Variants in SLCO4A1 observed in about 807,000 individuals in gnomAD.
The protein encoded by SLCO4A1 is colon organic anion transporter.
In SLCO4A1, 51 loss-of-function variants were observed where a neutral mutation model predicts 64.6. The ratio of observed to expected loss-of-function variants is 0.79; its 90% CI spans 0.63 to 1.00. The LOEUF (loss-of-function observed/expected upper bound fraction) is 1.00. SLCO4A1 is among the 50% of genes least tolerant of loss of function. The pLI, the probability that SLCO4A1 is intolerant of heterozygous loss-of-function variation, is 0.00. For missense variants in SLCO4A1, 919 were observed against 980.5 expected (o/e 0.94, Z 0.84); for synonymous variants, 471 against 444.9 (o/e 1.06, Z -0.74).
chr20:62,662,316 C>T (rs1321000168), intron 5 of SLCO4A1, among the ~76,000 whole-genome samples: 2 of 152,144 alleles, frequency 1.3e-5, no homozygotes, highest in Non-Finnish European at 2.9e-5. Flanking sequence ...GCCACGTTCC[C>T]AGGACTTGGG....
chr20:62,644,624 A>G lies in SLCO4A1; in HGVS notation c.-97+2071A>G, dbSNP rs1248355493. On this transcript the variant is annotated intron_variant, in intron 1 of 11. Transcript: ENST00000217159. The surrounding 1 kb of genome is among the most constrained non-coding windows in gnomAD (Gnocchi z 5.4). ...GGCTCCAGGTCGGTCTGACTTCCAA[A>G]TGGCAAAATTTTTCTCAGCCCATTG... Among the ~76,000 whole-genome samples the G allele has an allele frequency of 6.6e-6, 1 of 152,228 alleles. No individual in the cohort carries two copies. Among genetic ancestry groups the G allele is most frequent in the Non-Finnish European group, 1.5e-5 (1 of 68,036 alleles).
Position 62,660,415 on chromosome 20 carries a change from G to A in SLCO4A1, c.891G>A (p.Thr297=), listed in dbSNP as rs143407772. The A allele has an allele frequency of 1.9e-5, 30 of 1,582,814 alleles. No homozygotes were observed. The highest frequency in any genetic ancestry group is 5.5e-5 in the South Asian group (5 of 90,402). The change falls in exon 4 of 12, where the codon ACG becomes ACA. Residue 297 remains threonine (T), a synonymous_variant. Coordinates refer to ENST00000217159, the MANE Select transcript of SLCO4A1 (RefSeq NM_016354.4). ...GGTGCCACTGCCTCTTCCACAGGAC[G>A]GAGCTGACCACCGAGAGCCCACTGT... is the stretch of plus-strand genomic sequence containing the variant. ...LNIYTEMGRR[T]ELTTESPLWV... is the part of the protein sequence containing the mutation.
intron 10 of SLCO4A1, 64 bp downstream of exon 10, chr20:62,668,605 G>A: frequency 2.1e-6 from 3 of 1,440,136 alleles, no homozygotes; most frequent in South Asian, 1.1e-5. Context: ...AAGGGCATGG[G>A]CAAGTGTCTA....
At chr20:62,687,391 G>A (rs532527034), downstream of SLCO4A1, among the ~76,000 whole-genome samples, 3 of 152,370 alleles carry the variant, frequency 2.0e-5, no homozygotes, top group South Asian at 2.1e-4. Context: ...GCCGAGGCCC[G>A]GGGAGGAGCC....
intron 2 of SLCO4A1, among the ~76,000 whole-genome samples, chr20:62,683,908 T>C (rs947055299): frequency 1.3e-5 from 2 of 148,804 alleles, no homozygotes; most frequent in Non-Finnish European, 3.0e-5. Context: ...CCACACACGC[T>C]CACGCAACGA....
At chr20:62,680,853 G>A (rs185100927) in intron 2 of SLCO4A1, among the ~76,000 whole-genome samples, 3 of 152,262 alleles carry the variant, frequency 2.0e-5, no homozygotes, top group Admixed American at 2.0e-4. Context: ...TCTTTATCTG[G>A]TTCTGGTATA....
chr20:62,672,364 T>C (rs1213970583), downstream of SLCO4A1: 2 of 871,118 alleles, frequency 2.3e-6, no homozygotes, highest in African/African-American at 3.7e-5. Flanking sequence ...TTGGCCCACG[T>C]CCTGTAGTCA....
At chr20:62,684,709 C>T (rs1987988536) in intron 2 of SLCO4A1, among the ~76,000 whole-genome samples, 1 of 152,114 alleles carries the variant, frequency 6.6e-6, no homozygotes, top group Non-Finnish European at 1.5e-5. Context: ...AGTGTGCAAG[C>T]AAACCCCCCC....
At chr20:62,657,815 C>T (rs1435570184) in intron 2 of SLCO4A1, among the ~76,000 whole-genome samples, 1 of 152,200 alleles carries the variant, frequency 6.6e-6, no homozygotes, top group Non-Finnish European at 1.5e-5. Context: ...TGGAAAAGAC[C>T]GAGCAAATCT....
At chr20:62,663,986 C>G (rs1394819220) in intron 5 of SLCO4A1, among the ~76,000 whole-genome samples, 2 of 152,180 alleles carry the variant, frequency 1.3e-5, no homozygotes, top group African/African-American at 4.8e-5. Flanking sequence ...GGGAGAGCCT[C>G]CATTCACCCC....
chr20:62,665,111 G>A, intron 6 of SLCO4A1, 23 bp downstream of exon 6: 2 of 1,592,488 alleles, frequency 1.3e-6, no homozygotes, highest in Non-Finnish European at 1.7e-6. Flanking sequence ...AATCTTGGGG[G>A]TCCTCTGCTT....
At chr20:62,655,719 C>CGG (rs1031612759) in intron 1 of SLCO4A1, among the ~76,000 whole-genome samples, 4 of 152,180 alleles carry the variant, frequency 2.6e-5, no homozygotes, top group African/African-American at 9.7e-5. Context: ...GCTTGGCGGC[C>CGG]GGGGGTGTTT....
At chr20:62,689,162 G>T (rs1327186386), downstream of SLCO4A1, among the ~76,000 whole-genome samples, 1 of 151,976 alleles carries the variant, frequency 6.6e-6, no homozygotes, top group African/African-American at 2.4e-5. Flanking sequence ...TGTGCCCCGC[G>T]CCTCGTAGGC....
intron 1 of SLCO4A1, among the ~76,000 whole-genome samples, chr20:62,647,282 G>A (rs1317380566): frequency 6.6e-6 from 1 of 152,228 alleles, no homozygotes; most frequent in Non-Finnish European, 1.5e-5. Context: ...AGCTGAAGAT[G>A]GTGTGGGGAG....
At chr20:62,643,342 C>T (rs1033617533) in intron 1 of SLCO4A1, 1 of 213,796 alleles carries the variant, frequency 4.7e-6, no homozygotes, top group Non-Finnish European at 9.8e-6. Context: ...CGGCCCTAGA[C>T]CGGGAACCTG....
chr20:62,677,613 C>T (rs1796881651), intron 2 of SLCO4A1, among the ~76,000 whole-genome samples: 1 of 152,232 alleles, frequency 6.6e-6, no homozygotes, highest in South Asian at 2.1e-4. Flanking sequence ...ACCTGCACTC[C>T]AACCCCACTG....
intron 2 of SLCO4A1, among the ~76,000 whole-genome samples, chr20:62,684,361 TCAG>T (rs1324122680): frequency 6.6e-6 from 1 of 152,198 alleles, no homozygotes; most frequent in Non-Finnish European, 1.5e-5. Context: ...ACTAAAACCA[TCAG>T]CACCTTTGCC....
At chr20:62,687,190 G>A (rs1401697608), downstream of SLCO4A1, among the ~76,000 whole-genome samples, 4 of 148,860 alleles carry the variant, frequency 2.7e-5, no homozygotes, top group African/African-American at 2.5e-5. Flanking sequence ...AAACAGGAGC[G>A]ATGGAAAGGG....
chr20:62,674,960 C>A (rs938726858), downstream of SLCO4A1, among the ~76,000 whole-genome samples: 7 of 152,162 alleles, frequency 4.6e-5, no homozygotes, highest in Non-Finnish European at 8.8e-5. Flanking sequence ...AGCCGCCAAG[C>A]TATGGTTCTG....
Sources: allele counts gnomAD v4.1 joint callset (sites outside exome capture counted in the v4.1 genomes callset), GRCh38; gene constraint gnomAD v4.1.1; non-coding constraint Gnocchi (gnomAD v3.1); transcripts MANE v1.5; gene names NCBI Gene and HGNC (gene_info 2026-07-23, HGNC 2026-07-21).